The following CCDC12 variants were observed in gnomAD, a reference collection of about 807,000 sequenced individuals.
CCDC12 encodes the protein coiled-coil domain-containing protein 12.
A neutral mutation model predicts 25.7 loss-of-function variants in CCDC12; 28 were observed. The ratio of observed to expected loss-of-function variants is 1.09; its 90% CI spans 0.81 to 1.50. The LOEUF (loss-of-function observed/expected upper bound fraction) is 1.50, where lower values mean the gene tolerates loss of function less well. Ranked by LOEUF, CCDC12 falls within the 40% of genes most tolerant of loss-of-function variation. The pLI is 0.00. For missense variants in CCDC12, 198 were observed against 210.0 expected (o/e 0.94, Z 0.35); for synonymous variants, 75 against 87.7 (o/e 0.86, Z 0.81).
intron 1 of CCDC12, among the ~76,000 whole-genome samples, chr3:46,973,894 G>A (rs1226808012): frequency 1.3e-5 from 2 of 152,112 alleles, no homozygotes; most frequent in South Asian, 4.1e-4. Context: ...TTACAGGCGT[G>A]AGCCACCGCA....
intron 2 of CCDC12, among the ~76,000 whole-genome samples, chr3:46,934,846 T>C (rs947155829): frequency 6.6e-6 from 1 of 152,230 alleles, no homozygotes; most frequent in African/African-American, 2.4e-5. Flanking sequence ...ACAGTGGGAC[T>C]GAAAGAACTC....
chr3:46,954,993 A>G (rs1364178781), intron 1 of CCDC12, among the ~76,000 whole-genome samples: 2 of 152,220 alleles, frequency 1.3e-5, no homozygotes, highest in Non-Finnish European at 2.9e-5. Context: ...CCTGGTATCC[A>G]CGTCACACCA....
chr3:46,925,838 C>G (rs2032934091), intron 2 of CCDC12, among the ~76,000 whole-genome samples: 1 of 152,238 alleles, frequency 6.6e-6, no homozygotes, highest in South Asian at 2.1e-4. Flanking sequence ...TCTCCTGGAT[C>G]ATCCCATTTG....
chr3:46,951,205 A>G (rs1261828948), intron 1 of CCDC12, among the ~76,000 whole-genome samples: 1 of 152,204 alleles, frequency 6.6e-6, no homozygotes, highest in East Asian at 1.9e-4. Flanking sequence ...ATGGGTGGTT[A>G]CAGAGGCTGG....
chr3:46,974,559 C>A (rs942947150), intron 1 of CCDC12, among the ~76,000 whole-genome samples: 4 of 29,678 alleles, frequency 1.3e-4, no homozygotes, highest in African/African-American at 2.5e-4. Context: ...CTGGGACAGG[C>A]AATTTAGGGG....
Position 46,976,618 on chromosome 3 carries a change from C to G in CCDC12, c.96+19G>C. 6.2e-7 allele frequency: 1 copy of G among 1,604,914 alleles called. No homozygotes were observed. Among genetic ancestry groups the G allele is most frequent in the Non-Finnish European group, 8.5e-7 (1 of 1,175,884 alleles). On this transcript the variant is annotated intron_variant, in intron 1 of 6. Transcript: ENST00000683445. Reference sequence around the variant, plus strand: ...AACGCTGGACGCCTCAACTGCGACCCTCACTCCACACTTCTCACCTTGCGC... The same window carrying G: ...AACGCTGGACGCCTCAACTGCGACCGTCACTCCACACTTCTCACCTTGCGC...
At chr3:46,952,258 C>A (rs1263109549) in intron 1 of CCDC12, among the ~76,000 whole-genome samples, 2 of 152,158 alleles carry the variant, frequency 1.3e-5, no homozygotes, top group Non-Finnish European at 2.9e-5. Flanking sequence ...GTTACAGGAA[C>A]TTCTGTTGTG....
intron 1 of CCDC12, among the ~76,000 whole-genome samples, chr3:46,975,526 C>CTTTT (rs3028814): frequency 2.1e-4 from 17 of 82,556 alleles, no homozygotes; most frequent in African/African-American, 4.8e-4. Flanking sequence ...TAAATCTTTT[C>CTTTT]TTTTTTTTTT....
chr3:46,923,724 G>A, intron 3 of CCDC12, 56 bp from the exon 4 acceptor site: 1 of 1,375,782 alleles, frequency 7.3e-7, no homozygotes. Context: ...CCACTCTGCA[G>A]GGACACTGCC....
intron 1 of CCDC12, among the ~76,000 whole-genome samples, chr3:46,959,129 G>C (rs1411858575): frequency 6.6e-6 from 1 of 152,168 alleles, no homozygotes; most frequent in East Asian, 1.9e-4. Flanking sequence ...AAACAAGTCA[G>C]AACTGGCACA....
intron 1 of CCDC12, among the ~76,000 whole-genome samples, chr3:46,955,584 G>A (rs2385870): frequency 0.068 from 10,415 of 152,218 alleles, 1,196 homozygotes; most frequent in African/African-American, 0.23. Flanking sequence ...TGTCCAGGCA[G>A]AGAGTGGTGA....
chr3:46,954,350 G>T (rs1467238070), intron 1 of CCDC12, among the ~76,000 whole-genome samples: 1 of 152,218 alleles, frequency 6.6e-6, no homozygotes, highest in Non-Finnish European at 1.5e-5. Context: ...GTTCACTTTC[G>T]CTGGATCCAA....
intron 2 of CCDC12, among the ~76,000 whole-genome samples, chr3:46,927,357 T>A (rs1241184475): frequency 1.3e-5 from 2 of 151,992 alleles, no homozygotes; most frequent in African/African-American, 4.8e-5. Flanking sequence ...AAACTGGGTG[T>A]GGGAAGAAAA....
intron 2 of CCDC12, among the ~76,000 whole-genome samples, chr3:46,929,573 T>C (rs2033118101): frequency 6.6e-6 from 1 of 152,220 alleles, no homozygotes; most frequent in Non-Finnish European, 1.5e-5. Context: ...GGAAGCCACC[T>C]TTCTGAGGAC....
intron 1 of CCDC12, among the ~76,000 whole-genome samples, chr3:46,960,872 A>G (rs1282296510): frequency 6.9e-6 from 1 of 145,898 alleles, no homozygotes; most frequent in African/African-American, 2.6e-5. Context: ...TGGAGGTATA[A>G]AGGTGGTGCT....
chr3:46,976,642 G>A lies in CCDC12; in HGVS notation c.91C>T (p.Arg31Cys). Residue 31 changes from arginine (R) to cysteine (C), a missense_variant, in exon 1 of 7, where the codon CGC becomes TGC. Arg to Cys is a radical substitution (Grantham distance 180). Transcript: ENST00000683445. ...RLKALREKTG[R>C]KDKEDGEPKT... is the part of the protein sequence containing the mutation. ...CCTCACTCCACACTTCTCACCTTGC[G>A]CCCGGTTTTCTCCCGTAGGGCCTTC... 1.2e-6 allele frequency: 2 copies of A among 1,610,576 alleles called. No homozygotes were observed. The highest frequency in any genetic ancestry group is 1.7e-6 in the Non-Finnish European group (2 of 1,178,474).
At chr3:46,963,398 TCCC>T (rs2034520916) in intron 1 of CCDC12, among the ~76,000 whole-genome samples, 1 of 2,326 alleles carries the variant, frequency 4.3e-4, no homozygotes, top group African/African-American at 5.5e-4. Context: ...CCTCTCCCTC[TCCC>T]TCTCCCTCTC....
At chr3:46,934,897 G>A (rs1227624172) in intron 2 of CCDC12, among the ~76,000 whole-genome samples, 1 of 152,236 alleles carries the variant, frequency 6.6e-6, no homozygotes, top group Admixed American at 6.5e-5. Context: ...TACCACTACG[G>A]TGGAACAATG....
intron 1 of CCDC12, among the ~76,000 whole-genome samples, chr3:46,955,078 T>C (rs569740240): frequency 8.5e-5 from 13 of 152,320 alleles, no homozygotes; most frequent in African/African-American, 2.4e-4. Flanking sequence ...AAAGCACCCC[T>C]AGTCCATGCC....
Sources: gnomAD v4.1 joint callset for allele counts (sites outside exome capture counted in the v4.1 genomes callset) on GRCh38, gnomAD v4.1.1 for gene constraint, MANE v1.5 for transcripts, NCBI Gene and HGNC (gene_info 2026-07-23, HGNC 2026-07-21) for gene names.